The following CDH18 variants were observed in gnomAD, a reference collection of about 807,000 sequenced individuals.
CDH18 encodes cadherin-18.
Under a neutral mutation model 67.9 loss-of-function variants are expected in CDH18, and 31 were observed. The ratio of observed to expected loss-of-function variants is 0.46; its 90% CI spans 0.34 to 0.62. The LOEUF is 0.62. Among genes scored for constraint, CDH18 ranks in the 20% least tolerant of loss-of-function variants. CDH18 has a pLI of 0.01. For missense variants in CDH18, 890 were observed against 975.5 expected (o/e 0.91, Z 1.17); for synonymous variants, 362 against 347.2 (o/e 1.04, Z -0.48).
chr5:20,108,332 T>G (rs1747159611), intron 2 of CDH18, among the ~76,000 whole-genome samples: 1 of 151,978 alleles, frequency 6.6e-6, no homozygotes, highest in African/African-American at 2.4e-5. Flanking sequence ...GCTCAGACAA[T>G]CCACCAACCT....
intron 2 of CDH18, among the ~76,000 whole-genome samples, chr5:19,849,587 TATATATATAAACATATATATACACGC>T (rs1216944577): frequency 4.3e-5 from 5 of 115,610 alleles, no homozygotes; most frequent in Admixed American, 1.8e-4. Context: ...ATTTCAAACA[TATATATATAAACATATATATACACGC>T]ATATATATAT....
intron 5 of CDH18, among the ~76,000 whole-genome samples, chr5:19,626,370 G>A (rs954264774): frequency 2.8e-4 from 42 of 152,228 alleles, no homozygotes; most frequent in South Asian, 1.9e-3. Flanking sequence ...AGAACACAAC[G>A]CCAGAGAAAA....
At chr5:19,594,843 T>C (rs547932818) in intron 6 of CDH18, among the ~76,000 whole-genome samples, 6 of 152,236 alleles carry the variant, frequency 3.9e-5, no homozygotes, top group African/African-American at 1.4e-4. Context: ...ATTATATACA[T>C]AAAAGCTTAA....
chr5:20,436,257 A>G (rs1333387225), intron 1 of CDH18, among the ~76,000 whole-genome samples: 5 of 151,964 alleles, frequency 3.3e-5, no homozygotes, highest in Admixed American at 3.3e-4. Context: ...AATTGGGTCC[A>G]TTGATTGTTC....
intron 5 of CDH18, among the ~76,000 whole-genome samples, chr5:19,659,026 A>G (rs1347223673): frequency 1.3e-5 from 2 of 152,188 alleles, no homozygotes; most frequent in Non-Finnish European, 2.9e-5. Flanking sequence ...GGAAACCATC[A>G]TTCTCAGCAA....
At chr5:20,303,534 T>A (rs1476411133) in intron 1 of CDH18, among the ~76,000 whole-genome samples, 1 of 152,144 alleles carries the variant, frequency 6.6e-6, no homozygotes, top group Admixed American at 6.5e-5. Flanking sequence ...AAAATAAAAA[T>A]AAAGCAGAGG....
At chr5:20,356,130 C>G (rs1471081095) in intron 1 of CDH18, among the ~76,000 whole-genome samples, 1 of 152,186 alleles carries the variant, frequency 6.6e-6, no homozygotes, top group East Asian at 1.9e-4. Context: ...TGCCTGTAAT[C>G]CCAGCACTTT....
At chr5:19,795,866 T>C (rs1394417629) in intron 3 of CDH18, among the ~76,000 whole-genome samples, 1 of 152,114 alleles carries the variant, frequency 6.6e-6, no homozygotes, top group East Asian at 1.9e-4. Flanking sequence ...AAGTGAAATA[T>C]ACATAATCTC....
chr5:19,673,421 C>A (rs551690009), intron 5 of CDH18, among the ~76,000 whole-genome samples: 1 of 151,880 alleles, frequency 6.6e-6, no homozygotes, highest in Admixed American at 6.6e-5. Flanking sequence ...AGACTATATC[C>A]AGACTTTATC....
intron 2 of CDH18, among the ~76,000 whole-genome samples, chr5:20,065,290 T>C (rs1333893878): frequency 6.6e-6 from 1 of 151,962 alleles, no homozygotes; most frequent in Non-Finnish European, 1.5e-5. Context: ...CATTTAAAGG[T>C]TTTATGTTAA....
intron 2 of CDH18, among the ~76,000 whole-genome samples, chr5:19,857,278 A>C (rs1784409672): frequency 6.6e-6 from 1 of 151,802 alleles, no homozygotes; most frequent in East Asian, 1.9e-4. Context: ...TGAAGCAATG[A>C]TTTCTGTCAC....
At chr5:20,053,377 T>A (rs2150494286) in intron 2 of CDH18, among the ~76,000 whole-genome samples, 1 of 152,034 alleles carries the variant, frequency 6.6e-6, no homozygotes, top group Middle Eastern at 3.4e-3. Context: ...CTCTTTTTTA[T>A]TTCTTAGTGA....
intron 1 of CDH18, among the ~76,000 whole-genome samples, chr5:20,573,054 A>C (rs1758898126): frequency 1.3e-5 from 2 of 152,088 alleles, no homozygotes; most frequent in Non-Finnish European, 2.9e-5. Context: ...TTTTTTAAAA[A>C]CACTTTCTTT....
chr5:19,627,664 C>G (rs1243339643), intron 5 of CDH18, among the ~76,000 whole-genome samples: 1 of 152,110 alleles, frequency 6.6e-6, no homozygotes, highest in African/African-American at 2.4e-5. Flanking sequence ...TAAACATACA[C>G]TTATATACAT....
At chr5:20,253,105 A>G (rs1450719196) in intron 2 of CDH18, among the ~76,000 whole-genome samples, 2 of 152,286 alleles carry the variant, frequency 1.3e-5, no homozygotes, top group East Asian at 1.9e-4. Flanking sequence ...CCATTACACT[A>G]AAGTATCATC....
intron 1 of CDH18, among the ~76,000 whole-genome samples, chr5:20,293,364 G>C (rs1402120999): frequency 6.6e-6 from 1 of 152,044 alleles, no homozygotes; most frequent in African/African-American, 2.4e-5. Flanking sequence ...AGTGGTGCTA[G>C]TGGAATGGAT....
Position 20,414,336 on chromosome 5 carries a change from G to T in CDH18, c.-579-158831C>A, listed in dbSNP as rs566138760. On this transcript the variant is annotated intron_variant, in intron 1 of 14. Transcript: ENST00000507958. ...TTACAACAATATGAATGCAGTTGGGGGTCCTTATCTTAAGTGAATTAACAC... is the reference window on the plus strand; with the variant it reads ...TTACAACAATATGAATGCAGTTGGGTGTCCTTATCTTAAGTGAATTAACAC... Among the ~76,000 whole-genome samples, 31 of 152,136 alleles carry T rather than the reference G, an allele frequency of 2.0e-4. 1 individual carries two copies. The South Asian group carries it at 6.4e-3, about 32-fold the overall frequency.
At chr5:20,408,289 A>G (rs971994709) in intron 1 of CDH18, among the ~76,000 whole-genome samples, 5 of 152,118 alleles carry the variant, frequency 3.3e-5, no homozygotes, top group Admixed American at 1.3e-4. Context: ...AAACAAAAGT[A>G]TGCCAAAGAG....
chr5:20,300,830 C>A (rs1747921712), intron 1 of CDH18, among the ~76,000 whole-genome samples: 1 of 152,144 alleles, frequency 6.6e-6, no homozygotes, highest in African/African-American at 2.4e-5. Context: ...TTGAACAAGT[C>A]AACTTATTTT....
Sources: allele counts gnomAD v4.1 joint callset (sites outside exome capture counted in the v4.1 genomes callset), GRCh38; gene constraint gnomAD v4.1.1; transcripts MANE v1.5; gene names NCBI Gene and HGNC (gene_info 2026-07-23, HGNC 2026-07-21).